Variants in ENTPD1 observed in about 807,000 individuals in gnomAD.
ENTPD1 encodes ectonucleoside triphosphate diphosphohydrolase 1.
Under a neutral mutation model 57.0 loss-of-function variants are expected in ENTPD1, and 33 were observed. The ratio of observed to expected loss-of-function variants is 0.58; its 90% CI spans 0.44 to 0.77. The LOEUF is 0.77. ENTPD1 is among the 30% of genes least tolerant of loss of function. The pLI is 0.00. For synonymous variants in ENTPD1, 202 were observed against 218.8 expected, an observed-to-expected ratio of 0.92 and a Z score of 0.68; for missense variants, 501 against 603.4, an observed-to-expected ratio of 0.83 and a Z score of 1.78.
At chr10:95,861,928 G>A (rs112124431) in intron 8 of ENTPD1, among the ~76,000 whole-genome samples, 3,327 of 151,940 alleles carry the variant, frequency 0.022, 69 homozygotes, top group South Asian at 0.1. Flanking sequence ...CCCAGGAGGC[G>A]GAGCTTGCAG....
In ENTPD1 at chr10:95,870,918, TCA is replaced by T. The variant is rs780899557; in HGVS notation, c.*4536_*4537del. On this transcript the variant is annotated 3_prime_UTR_variant, in exon 10 of 10. Transcript: ENST00000371205. ...TGCAAGCCAGCTGGGCAGCTCTACT[TCA>T]GGTGGTAAGGGTGGATCAGACCTAT... 15 of 985,336 alleles carry T rather than the reference TCA, an allele frequency of 1.5e-5. No individual in the cohort carries two copies. Among genetic ancestry groups the T allele is most frequent in the African/African-American group, 1.7e-5 (1 of 57,248 alleles). 61.0% of individuals were successfully genotyped at this position (985,336 alleles called of 1,614,324 possible). A position where few individuals can be genotyped will look rare whatever the true frequency, so the allele number is the denominator to read the frequency against.
Position 95,842,378 on chromosome 10 carries a change from T to A in ENTPD1, c.297T>A (p.Asn99Lys), listed in dbSNP as rs2098424443. 8 of 1,614,120 alleles carry A rather than the reference T, an allele frequency of 5.0e-6. 1 individual carries two copies. The South Asian group carries it at 7.7e-5, about 16-fold the overall frequency. The change falls in exon 4 of 10, where the codon AAT (asparagine) becomes AAA (lysine). Residue 99 changes from asparagine to lysine, a missense_variant. Transcript: ENST00000371205. ...PGISKFVQKVNEIGIYLTDCM... is the reference protein window; with the variant it reads ...PGISKFVQKVKEIGIYLTDCM... ...TCTCAAAATTTGTTCAGAAAGTAAA[T>A]GAAATAGGCATTTACCTGACTGATT...
the ENTPD1 span, among the ~76,000 whole-genome samples, chr10:95,702,583 T>C: frequency 6.6e-6 from 1 of 152,112 alleles, no homozygotes; most frequent in African/African-American, 2.4e-5. Context: ...CAGCAATATA[T>C]TAGGATATTT....
intron 1 of ENTPD1, among the ~76,000 whole-genome samples, chr10:95,767,340 A>G (rs573069831): frequency 8.6e-5 from 13 of 151,386 alleles, no homozygotes; most frequent in Non-Finnish European, 1.9e-4. Flanking sequence ...AAAAGAAAGA[A>G]AAAAGGAAAG....
intron 1 of ENTPD1, among the ~76,000 whole-genome samples, chr10:95,763,957 T>A (rs1259651691): frequency 6.6e-6 from 1 of 152,220 alleles, no homozygotes; most frequent in Non-Finnish European, 1.5e-5. Context: ...AGTGTTGAAG[T>A]TGAGATTCAA....
chr10:95,826,054 T>C (rs2098374964), intron 2 of ENTPD1, among the ~76,000 whole-genome samples: 1 of 152,186 alleles, frequency 6.6e-6, no homozygotes, highest in Admixed American at 6.5e-5. Context: ...TCATTGTCTG[T>C]GTTAGGCACT....
upstream of ENTPD1, chr10:95,755,869 A>G (rs1364224665): frequency 3.0e-5 from 46 of 1,519,178 alleles, no homozygotes; most frequent in Admixed American, 3.9e-5. Flanking sequence ...GGATTTCTAT[A>G]ACGAAGAGAG....
intron 1 of ENTPD1, among the ~76,000 whole-genome samples, chr10:95,724,459 C>G (rs2097981522): frequency 6.6e-6 from 1 of 152,108 alleles, no homozygotes; most frequent in Admixed American, 6.5e-5. Context: ...ACCTGGGGTT[C>G]TTGGCCTCAC....
chr10:95,796,939 G>A (rs376067552), intron 1 of ENTPD1, among the ~76,000 whole-genome samples: 18 of 152,144 alleles, frequency 1.2e-4, no homozygotes, highest in Middle Eastern at 3.4e-3. Flanking sequence ...AGGTGCGGTG[G>A]TGCACGCCCG....
At chr10:95,703,882 G>A in the ENTPD1 span, among the ~76,000 whole-genome samples, 1 of 151,594 alleles carries the variant, frequency 6.6e-6, no homozygotes, top group Non-Finnish European at 1.5e-5. Flanking sequence ...CCTGAGGTCA[G>A]GAGTTCATGA....
In ENTPD1 at chr10:95,798,398, C is replaced by G. The variant is rs572708924; in HGVS notation, c.17-24839C>G. On this transcript the variant is annotated intron_variant, in intron 1 of 9. Coordinates refer to ENST00000371205, the MANE Select transcript of ENTPD1 (RefSeq NM_001776.6). ...AGAACTAGTGTGGCATGGATCAGCT[C>G]TCTGGGAATGCTGGAGGGAGAGAAC... Among the ~76,000 whole-genome samples the G allele has an allele frequency of 5.3e-5, 8 of 152,258 alleles. No individual in the cohort carries two copies. The South Asian group carries it at 1.7e-3, about 32-fold the overall frequency.
At chr10:95,744,298 C>T (rs548544048) in intron 1 of ENTPD1, among the ~76,000 whole-genome samples, 1 of 152,098 alleles carries the variant, frequency 6.6e-6, no homozygotes, top group African/African-American at 2.4e-5. Flanking sequence ...TGTACTTTTA[C>T]ACAGTTCCTT....
At chr10:95,825,194 G>A (rs919572841) in intron 2 of ENTPD1, among the ~76,000 whole-genome samples, 1 of 152,152 alleles carries the variant, frequency 6.6e-6, no homozygotes, top group Non-Finnish European at 1.5e-5. Context: ...GCCATACATG[G>A]CTGGTGGCTA....
intron 1 of ENTPD1, 46 bp downstream of exon 1, chr10:95,756,301 T>C: frequency 1.3e-6 from 2 of 1,515,246 alleles, no homozygotes; most frequent in Non-Finnish European, 1.8e-6. Flanking sequence ...AAAAAAAAAA[T>C]AGAAGGAAAA....
At chr10:95,754,943 G>A (rs933442314), upstream of ENTPD1, 1 of 152,226 alleles carries the variant, frequency 6.6e-6, no homozygotes, top group African/African-American at 2.4e-5. Flanking sequence ...GGAGAATATA[G>A]TTTCTACATA....
At position 95,866,810 on chromosome 10, in the gene ENTPD1, C is replaced by T; in HGVS notation, c.*427C>T. On this transcript the variant is annotated 3_prime_UTR_variant, in exon 10 of 10. Coordinates refer to ENST00000371205, the MANE Select transcript of ENTPD1 (RefSeq NM_001776.6). ...ACTCTTTAAGAACCCCTTTCTCTCT[C>T]CTGTTTGCCATCCATTAAGAAAGCC... 9.5e-7 allele frequency: 1 copy of T among 1,050,294 alleles called. No individual in the cohort carries two copies. Among genetic ancestry groups the T allele is most frequent in the Middle Eastern group, 4.7e-4 (1 of 2,132 alleles). The allele number at this position is 1,050,294 out of a possible 1,614,324, so 65.1% of individuals were successfully genotyped here. A position where few individuals can be genotyped will look rare whatever the true frequency, so the allele number is the denominator to read the frequency against.
intron 1 of ENTPD1, among the ~76,000 whole-genome samples, chr10:95,717,337 GTTTTTTTTTT>G (rs10609572): frequency 7.9e-5 from 10 of 125,944 alleles, no homozygotes; most frequent in Admixed American, 8.6e-5. Context: ...GATCTGCAGG[GTTTTTTTTTT>G]TTTTTTTTTT....
At chr10:95,731,180 G>C (rs140225782) in intron 1 of ENTPD1, among the ~76,000 whole-genome samples, 112 of 152,298 alleles carry the variant, frequency 7.4e-4, no homozygotes, top group African/African-American at 2.6e-3. Flanking sequence ...ATGCCTGAAG[G>C]CTAGTGTGCT....
At chr10:95,772,703 G>A (rs1186353455) in intron 1 of ENTPD1, among the ~76,000 whole-genome samples, 3 of 152,096 alleles carry the variant, frequency 2.0e-5, no homozygotes, top group Admixed American at 2.0e-4. Context: ...GTTAATATTG[G>A]TATTTTGACC....
Sources: allele counts gnomAD v4.1 joint callset (sites outside exome capture counted in the v4.1 genomes callset), GRCh38; gene constraint gnomAD v4.1.1; transcripts MANE v1.5; gene names NCBI Gene and HGNC (gene_info 2026-07-23, HGNC 2026-07-21).